Variants in C12orf54 observed in about 807,000 individuals in gnomAD.
The protein encoded by C12orf54 is chromosome 12 open reading frame 54, also known as uncharacterized protein C12orf54.
Under a neutral mutation model 26.4 loss-of-function variants are expected in C12orf54, and 24 were observed. That is an observed-to-expected ratio of 0.91 (90% CI 0.66 to 1.28). The LOEUF (loss-of-function observed/expected upper bound fraction) is 1.28, where lower values mean the gene tolerates loss of function less well. Among genes scored for constraint, C12orf54 ranks in the 50% most tolerant of loss-of-function variants. The pLI is 0.00. For synonymous variants in C12orf54, 54 were observed against 47.0 expected, an observed-to-expected ratio of 1.15 and a Z score of -0.61; for missense variants, 154 against 150.9, an observed-to-expected ratio of 1.02 and a Z score of -0.11.
upstream of C12orf54, among the ~76,000 whole-genome samples, chr12:48,479,808 C>T (rs1327832413): frequency 6.6e-6 from 1 of 151,922 alleles, no homozygotes; most frequent in African/African-American, 2.4e-5. Flanking sequence ...TTCTCCTGCC[C>T]CTCAGACGAG....
the C12orf54 span, among the ~76,000 whole-genome samples, chr12:48,422,403 A>G: frequency 4.6e-5 from 7 of 152,218 alleles, 1 homozygote; most frequent in Non-Finnish European, 1.0e-4. Flanking sequence ...TATGAGCAAA[A>G]TGCATCTGAC....
chr12:48,456,652 T>C, the C12orf54 span, among the ~76,000 whole-genome samples: 1 of 152,224 alleles, frequency 6.6e-6, no homozygotes, highest in African/African-American at 2.4e-5. Context: ...TTCTCCATGT[T>C]AGGTTGGTTG....
chr12:48,451,107 C>T, the C12orf54 span, among the ~76,000 whole-genome samples: 1 of 152,074 alleles, frequency 6.6e-6, no homozygotes, highest in African/African-American at 2.4e-5. Flanking sequence ...AAACCAAATC[C>T]AGCAGCACAT....
At chr12:48,472,860 CTT>C in the C12orf54 span, 5 of 1,613,986 alleles carry the variant, frequency 3.1e-6, no homozygotes, top group Non-Finnish European at 4.2e-6. Flanking sequence ...GTTAAACAAA[CTT>C]AAGAAGCTTG....
chr12:48,419,934 G>A, the C12orf54 span, among the ~76,000 whole-genome samples: 1 of 152,266 alleles, frequency 6.6e-6, no homozygotes, highest in South Asian at 2.1e-4. Flanking sequence ...AGCCTTCCAG[G>A]TAAAGAGCTC....
the C12orf54 span, among the ~76,000 whole-genome samples, chr12:48,453,469 C>T: frequency 6.7e-6 from 1 of 149,772 alleles, no homozygotes; most frequent in Non-Finnish European, 1.5e-5. Flanking sequence ...CAAACCTGCA[C>T]ATCCTGCACA....
rs902606989 is a variant in C12orf54, at chr12:48,489,013, AT to A, written c.168+65del. 119 of 1,534,672 alleles carry A rather than the reference AT, an allele frequency of 7.8e-5. No individual in the cohort carries two copies. The African/African-American group carries it at 1.2e-3, about 16-fold the overall frequency. Reference sequence around the variant, plus strand: ...CAGCCCCATCATGTGCCTTGATCCCATTTTTTTTCTTACCCTACTGAGATGT... The same window carrying A: ...CAGCCCCATCATGTGCCTTGATCCCATTTTTTTCTTACCCTACTGAGATGT... On this transcript the variant is annotated intron_variant, in intron 5 of 8. Coordinates refer to ENST00000548364, the MANE Select transcript of C12orf54 (RefSeq NM_152319.4).
chr12:48,484,207 G>T (rs571560705), intron 2 of C12orf54, among the ~76,000 whole-genome samples: 2 of 152,262 alleles, frequency 1.3e-5, no homozygotes, highest in South Asian at 4.2e-4. Context: ...GTAGAAATTT[G>T]GGAAGAGAAA....
the C12orf54 span, among the ~76,000 whole-genome samples, chr12:48,453,370 G>A: frequency 1.3e-5 from 2 of 151,588 alleles, no homozygotes; most frequent in South Asian, 4.2e-4. Flanking sequence ...AGAGGATCAG[G>A]AAGAATGGCT....
the C12orf54 span, chr12:48,473,472 C>A: frequency 2.1e-6 from 1 of 480,520 alleles, no homozygotes; most frequent in Non-Finnish European, 3.9e-6. Context: ...TAGCCGTATC[C>A]CCTCCCCCAC....
chr12:48,421,343 A>G, the C12orf54 span, among the ~76,000 whole-genome samples: 4 of 49,558 alleles, frequency 8.1e-5, no homozygotes, highest in Non-Finnish European at 2.1e-4. Context: ...ACATTTTTCA[A>G]CAATAAAGTA....
the C12orf54 span, among the ~76,000 whole-genome samples, chr12:48,416,072 T>A: frequency 6.6e-6 from 1 of 152,304 alleles, no homozygotes; most frequent in South Asian, 2.1e-4. Context: ...TTCCAAAACA[T>A]ATTCCAAATT....
chr12:48,468,593 A>G, the C12orf54 span, among the ~76,000 whole-genome samples: 1 of 71,054 alleles, frequency 1.4e-5, no homozygotes, highest in East Asian at 2.7e-4. Context: ...ACTAACTACA[A>G]CAACAATAAA....
the C12orf54 span, among the ~76,000 whole-genome samples, chr12:48,459,226 T>C: frequency 6.6e-6 from 1 of 152,180 alleles, no homozygotes; most frequent in Non-Finnish European, 1.5e-5. Flanking sequence ...CCAGGACTTT[T>C]AGAGCTTGTA....
the C12orf54 span, among the ~76,000 whole-genome samples, chr12:48,468,978 A>G: frequency 6.6e-6 from 1 of 152,208 alleles, no homozygotes; most frequent in East Asian, 1.9e-4. Context: ...AAGGTGTGGG[A>G]GTGTATGAAT....
At chr12:48,428,347 A>G in the C12orf54 span, among the ~76,000 whole-genome samples, 1 of 70,172 alleles carries the variant, frequency 1.4e-5, no homozygotes, top group Non-Finnish European at 3.5e-5. Context: ...AATTGAAACA[A>G]AAAAAAAATA....
chr12:48,470,141 T>A, the C12orf54 span, among the ~76,000 whole-genome samples: 1 of 152,250 alleles, frequency 6.6e-6, no homozygotes, highest in Non-Finnish European at 1.5e-5. Flanking sequence ...CTCTGAATAG[T>A]GCAGCGATGA....
the C12orf54 span, among the ~76,000 whole-genome samples, chr12:48,458,098 C>T: frequency 4.6e-5 from 7 of 152,186 alleles, no homozygotes; most frequent in Non-Finnish European, 1.0e-4. Context: ...CAGAGGCCCA[C>T]CTTGTTTTCG....
upstream of C12orf54, among the ~76,000 whole-genome samples, chr12:48,479,293 A>G (rs930896594): frequency 4.6e-5 from 7 of 152,144 alleles, no homozygotes; most frequent in African/African-American, 1.7e-4. Flanking sequence ...ATTCTCACTC[A>G]TAGGTGGGAA....
Sources: gnomAD v4.1 joint callset for allele counts (sites outside exome capture counted in the v4.1 genomes callset) on GRCh38, gnomAD v4.1.1 for gene constraint, MANE v1.5 for transcripts, NCBI Gene and HGNC (gene_info 2026-07-23, HGNC 2026-07-21) for gene names.